Variants in ACVR2A observed in about 807,000 individuals in gnomAD.
ACVR2A encodes the protein activin receptor type-2A.
In ACVR2A, 7 loss-of-function variants were observed where a neutral mutation model predicts 61.4. The observed-to-expected ratio is 0.11, with a 90% CI of 0.06 to 0.21. ACVR2A has a LOEUF of 0.21. ACVR2A is among the 10% of genes least tolerant of loss of function. ACVR2A has a pLI of 1.00. For missense variants in ACVR2A, 322 were observed against 621.7 expected (o/e 0.52, Z 5.13); for synonymous variants, 193 against 208.3 (o/e 0.93, Z 0.63).
Position 147,927,064 on chromosome 2 carries a change from G to A in ACVR2A, c.1348-16G>A, listed in dbSNP as rs1344380078. 6.2e-7 allele frequency: 1 copy of A among 1,607,580 alleles called. No individual in the cohort carries two copies. Among genetic ancestry groups the A allele is most frequent in the Non-Finnish European group, 8.5e-7 (1 of 1,177,246 alleles). On this transcript the variant is annotated splice_polypyrimidine_tract_variant and intron_variant, in intron 10 of 10. Transcript: ENST00000241416. ...AAACTGCTGTGGCGTTTGAGTATATGTTTTTCTCCTTTTAGGGAATGGCAA... is the reference window on the plus strand; with the variant it reads ...AAACTGCTGTGGCGTTTGAGTATATATTTTTCTCCTTTTAGGGAATGGCAA...
At chr2:147,862,863 A>G (rs1471182600) in intron 1 of ACVR2A, among the ~76,000 whole-genome samples, 1 of 152,198 alleles carries the variant, frequency 6.6e-6, no homozygotes, top group Non-Finnish European at 1.5e-5. Context: ...GGAACTGGCA[A>G]GTTATGTCAC....
At chr2:147,873,081 G>C (rs1686063568) in intron 1 of ACVR2A, among the ~76,000 whole-genome samples, 2 of 151,822 alleles carry the variant, frequency 1.3e-5, no homozygotes, top group South Asian at 2.1e-4. Flanking sequence ...TTTTTAATTG[G>C]ATGAACTAGT....
At chr2:147,890,307 G>A (rs1686550050) in intron 1 of ACVR2A, among the ~76,000 whole-genome samples, 1 of 151,378 alleles carries the variant, frequency 6.6e-6, no homozygotes, top group Non-Finnish European at 1.5e-5. Flanking sequence ...TTTTTCTTCC[G>A]TAGTTGAGAG....
upstream of ACVR2A, chr2:147,844,936 G>T: frequency 2.2e-6 from 1 of 458,376 alleles, no homozygotes. Context: ...TTTTTCCCCC[G>T]TGGTGCATTT....
At chr2:147,883,331 T>C (rs1482664808) in intron 1 of ACVR2A, among the ~76,000 whole-genome samples, 3 of 152,152 alleles carry the variant, frequency 2.0e-5, no homozygotes, top group African/African-American at 7.2e-5. Flanking sequence ...GCTGGGATTA[T>C]AGGCGCACGC....
At chr2:147,889,774 G>A (rs2105181652) in intron 1 of ACVR2A, among the ~76,000 whole-genome samples, 1 of 151,702 alleles carries the variant, frequency 6.6e-6, no homozygotes, top group Non-Finnish European at 1.5e-5. Context: ...CTTTTGCAGA[G>A]TTATGGTAAA....
At chr2:147,910,870 A>C (rs1190902670) in intron 4 of ACVR2A, among the ~76,000 whole-genome samples, 1 of 152,040 alleles carries the variant, frequency 6.6e-6, no homozygotes, top group Non-Finnish European at 1.5e-5. Flanking sequence ...TTCTGTCACT[A>C]TGTTTTACTT....
At chr2:147,914,337 G>A (rs1034932390) in intron 4 of ACVR2A, among the ~76,000 whole-genome samples, 8 of 151,972 alleles carry the variant, frequency 5.3e-5, no homozygotes, top group Admixed American at 3.3e-4. Flanking sequence ...CTGAGAGAAT[G>A]CTTTCAATGG....
chr2:147,875,883 G>A (rs907559508), intron 1 of ACVR2A, among the ~76,000 whole-genome samples: 2 of 152,044 alleles, frequency 1.3e-5, no homozygotes, highest in African/African-American at 4.8e-5. Flanking sequence ...GAAGATCATA[G>A]GACATGTAAC....
At chr2:147,872,423 T>A (rs964803142) in intron 1 of ACVR2A, among the ~76,000 whole-genome samples, 13 of 151,820 alleles carry the variant, frequency 8.6e-5, no homozygotes, top group African/African-American at 2.7e-4. Flanking sequence ...CTTTTCAGTC[T>A]GGCAGCAATA....
chr2:147,863,536 A>G (rs1325001137), intron 1 of ACVR2A, among the ~76,000 whole-genome samples: 1 of 152,204 alleles, frequency 6.6e-6, no homozygotes, highest in African/African-American at 2.4e-5. Context: ...TGTATGTTAT[A>G]TGTGTTACAC....
intron 1 of ACVR2A, among the ~76,000 whole-genome samples, chr2:147,880,935 G>T (rs189960735): frequency 6.6e-6 from 1 of 152,234 alleles, no homozygotes; most frequent in Non-Finnish European, 1.5e-5. Context: ...CATTCTGAAG[G>T]GGAAAACACT....
At position 147,880,210 on chromosome 2, in the gene ACVR2A, TA is replaced by T. The variant is rs528820573; in HGVS notation, c.56-16083del. ...GATGACTAGTAAGCATTTTTTATTT[TA>T]AAAAAAATTTTTTATAGTAGGTTCT... On this transcript the variant is annotated intron_variant, in intron 1 of 10. Transcript: ENST00000241416. Among the ~76,000 whole-genome samples, 184 of 152,086 alleles carry T rather than the reference TA, an allele frequency of 1.2e-3. 2 individuals are homozygous for T. The highest frequency in any genetic ancestry group is 4.2e-3 in the African/African-American group (176 of 41,502).
intron 1 of ACVR2A, among the ~76,000 whole-genome samples, chr2:147,892,034 C>T (rs895497293): frequency 3.6e-4 from 54 of 151,632 alleles, no homozygotes; most frequent in Admixed American, 3.6e-3. Flanking sequence ...TGCAGTGGTA[C>T]GATCTCGGCT....
intron 1 of ACVR2A, among the ~76,000 whole-genome samples, chr2:147,854,127 G>A (rs1685510510): frequency 6.6e-6 from 1 of 152,102 alleles, no homozygotes; most frequent in East Asian, 1.9e-4. Context: ...TTACTTATCA[G>A]TCAGTTAATG....
intron 1 of ACVR2A, among the ~76,000 whole-genome samples, chr2:147,889,968 A>T (rs1271198801): frequency 2.0e-5 from 3 of 151,808 alleles, no homozygotes; most frequent in Non-Finnish European, 4.4e-5. Flanking sequence ...AGTGTGAATT[A>T]TGGTTCTGGA....
intron 1 of ACVR2A, chr2:147,877,328 C>G (rs375327727): frequency 1.3e-5 from 2 of 152,122 alleles, no homozygotes; most frequent in African/African-American, 2.4e-5. Flanking sequence ...AAACATTTCT[C>G]TGAGGAAAGA....
intron 1 of ACVR2A, among the ~76,000 whole-genome samples, chr2:147,845,985 T>C (rs187364775): frequency 6.6e-6 from 1 of 152,320 alleles, no homozygotes; most frequent in Admixed American, 6.5e-5. Context: ...TTAAATATAG[T>C]ACACTCATAA....
At chr2:147,893,626 A>G (rs1686645333) in intron 1 of ACVR2A, among the ~76,000 whole-genome samples, 1 of 152,088 alleles carries the variant, frequency 6.6e-6, no homozygotes, top group Non-Finnish European at 1.5e-5. Context: ...TTCCCTGATG[A>G]TTGATAATAT....
Sources: allele counts gnomAD v4.1 joint callset (sites outside exome capture counted in the v4.1 genomes callset), GRCh38; gene constraint gnomAD v4.1.1; transcripts MANE v1.5; gene names NCBI Gene and HGNC (gene_info 2026-07-23, HGNC 2026-07-21).